SIK3: variants seen among roughly 807,000 people sequenced by gnomAD.
SIK3 encodes the protein SIK family kinase 3.
In SIK3, 28 loss-of-function variants were observed where a neutral mutation model predicts 144.2. The observed-to-expected ratio is 0.19, with a 90% CI of 0.14 to 0.27. The LOEUF (loss-of-function observed/expected upper bound fraction) is 0.27. Ranked by LOEUF, SIK3 falls within the 10% of genes least tolerant of loss-of-function variation. The pLI, the probability that SIK3 is intolerant of heterozygous loss-of-function variation, is 1.00. For synonymous variants in SIK3, 686 were observed against 676.3 expected, an observed-to-expected ratio of 1.01 and a Z score of -0.22; for missense variants, 1,319 against 1,776.0, an observed-to-expected ratio of 0.74 and a Z score of 4.62.
chr11:116,856,594 A>C (rs913941706), intron 21 of SIK3, among the ~76,000 whole-genome samples: 1 of 152,210 alleles, frequency 6.6e-6, no homozygotes, highest in African/African-American at 2.4e-5. Context: ...TCTACTAAGA[A>C]TACAGCAGCC....
chr11:116,998,167 A>T lies in SIK3; in HGVS notation c.274-41103T>A, dbSNP rs552475177. ...CACAGGTAGTGTATATGATAATTTA[A>T]AAAAAAAAAAAAGCTATTCCAATAT... is the stretch of plus-strand genomic sequence containing the variant. On this transcript the variant is annotated intron_variant, in intron 1 of 24. Transcript: ENST00000445177. Among the ~76,000 whole-genome samples the T allele has an allele frequency of 2.8e-3, 406 of 144,204 alleles. 5 individuals are homozygous for T. The highest frequency in any genetic ancestry group is 9.2e-3 in the African/African-American group (371 of 40,332). 94.6% of individuals were successfully genotyped at this position (144,204 alleles called of 152,430 possible).
intron 3 of SIK3, among the ~76,000 whole-genome samples, chr11:116,941,823 G>C (rs1294121606): frequency 2.0e-5 from 3 of 152,162 alleles, no homozygotes; most frequent in Non-Finnish European, 4.4e-5. Context: ...TCTCAAATAG[G>C]AAGTTTGGGG....
chr11:116,914,808 A>G (rs1452448690), intron 4 of SIK3, among the ~76,000 whole-genome samples: 1 of 152,182 alleles, frequency 6.6e-6, no homozygotes, highest in African/African-American at 2.4e-5. Flanking sequence ...AAATCAGTAC[A>G]GTTACCTTTT....
intron 7 of SIK3, 26 bp downstream of exon 7, chr11:116,876,898 C>T (rs1329623064): frequency 8.2e-6 from 13 of 1,580,906 alleles, no homozygotes; most frequent in Non-Finnish European, 1.1e-5. Context: ...CAGAGGAGTC[C>T]CCTGCAGCAG....
chr11:116,969,635 T>G (rs189437089), intron 1 of SIK3, among the ~76,000 whole-genome samples: 15 of 152,276 alleles, frequency 9.9e-5, no homozygotes, highest in African/African-American at 3.4e-4. Context: ...CAAATGTACT[T>G]TTCTGGGTAG....
At position 116,876,421 on chromosome 11, in the gene SIK3, A is replaced by G. The variant is rs1944258843; in HGVS notation, c.985-58T>C. 6 of 1,371,864 alleles carry G rather than the reference A, an allele frequency of 4.4e-6. No individual in the cohort carries two copies. In the Admixed American group the frequency reaches 8.4e-5, roughly 19 times the overall value. The allele number at this position is 1,371,864 out of a possible 1,614,324, so 85.0% of individuals were successfully genotyped here. A position where few individuals can be genotyped will look rare whatever the true frequency, so the allele number is the denominator to read the frequency against. On this transcript the variant is annotated intron_variant, in intron 7 of 24. Coordinates refer to ENST00000445177, the MANE Select transcript of SIK3 (RefSeq NM_001366686.3). ...CCCAATTAACCACATCAAATGTGGCACAGCATATATAATGACCAACCTGTT... is the reference window on the plus strand; with the variant it reads ...CCCAATTAACCACATCAAATGTGGCGCAGCATATATAATGACCAACCTGTT...
At chr11:117,011,676 T>C (rs1349201540) in intron 1 of SIK3, among the ~76,000 whole-genome samples, 2 of 152,150 alleles carry the variant, frequency 1.3e-5, no homozygotes, top group Non-Finnish European at 2.9e-5. Context: ...GCTGAACAAC[T>C]ACCACAAAAT....
chr11:116,861,484 T>C, intron 18 of SIK3, 101 bp from the exon 19 acceptor site: 1 of 873,292 alleles, frequency 1.1e-6, no homozygotes, highest in Non-Finnish European at 1.7e-6. Context: ...CTATTTTTTT[T>C]TACTTTGATA....
intron 1 of SIK3, among the ~76,000 whole-genome samples, chr11:117,036,971 T>G (rs1952533237): frequency 6.6e-6 from 1 of 152,212 alleles, no homozygotes; most frequent in Non-Finnish European, 1.5e-5. Context: ...ATGCAAGATC[T>G]TAACATTTTG....
chr11:116,947,525 A>ATG (rs1427915281), intron 3 of SIK3, among the ~76,000 whole-genome samples: 13 of 101,026 alleles, frequency 1.3e-4, no homozygotes, highest in Admixed American at 4.4e-4. Context: ...GGAAATATAT[A>ATG]TATATATATG....
chr11:117,047,364 T>C (rs1210100111), intron 1 of SIK3, among the ~76,000 whole-genome samples: 1 of 152,152 alleles, frequency 6.6e-6, no homozygotes, highest in African/African-American at 2.4e-5. Context: ...AAAGGTACAA[T>C]GGTGAGATTC....
intron 1 of SIK3, among the ~76,000 whole-genome samples, chr11:117,005,336 G>GAA (rs35279676): frequency 0.046 from 2,571 of 55,940 alleles, 165 homozygotes; most frequent in African/African-American, 0.053. Context: ...CCCCGTCTCA[G>GAA]AAAAAAAAAA....
At chr11:117,051,473 T>A (rs553589675) in intron 1 of SIK3, among the ~76,000 whole-genome samples, 3 of 152,074 alleles carry the variant, frequency 2.0e-5, no homozygotes, top group Non-Finnish European at 4.4e-5. Context: ...ATAAACCTCT[T>A]CTATATCTAT....
At chr11:117,047,333 G>T (rs1469877798) in intron 1 of SIK3, among the ~76,000 whole-genome samples, 1 of 152,102 alleles carries the variant, frequency 6.6e-6, no homozygotes, top group East Asian at 1.9e-4. Flanking sequence ...TTAGAATCCT[G>T]GAGGATTTTA....
At chr11:117,084,393 G>A (rs1197092053) in intron 1 of SIK3, among the ~76,000 whole-genome samples, 1 of 152,056 alleles carries the variant, frequency 6.6e-6, no homozygotes, top group Non-Finnish European at 1.5e-5. Context: ...GACCTCTCGA[G>A]TAGCTAGGAT....
At chr11:116,992,566 A>G (rs1950535511) in intron 1 of SIK3, among the ~76,000 whole-genome samples, 1 of 152,180 alleles carries the variant, frequency 6.6e-6, no homozygotes, top group Non-Finnish European at 1.5e-5. Context: ...CACCCAATAC[A>G]TATTAATTGT....
At chr11:116,935,067 AGAGT>A (rs965438002) in intron 3 of SIK3, among the ~76,000 whole-genome samples, 14 of 151,874 alleles carry the variant, frequency 9.2e-5, no homozygotes, top group East Asian at 3.9e-4. Flanking sequence ...CCTGGGCGAC[AGAGT>A]GAGACCCAGT....
chr11:117,087,737 T>C (rs973593602), intron 1 of SIK3, among the ~76,000 whole-genome samples: 32 of 152,184 alleles, frequency 2.1e-4, no homozygotes, highest in African/African-American at 7.5e-4. Flanking sequence ...TGTGGCAATA[T>C]ACATATTAGG....
chr11:116,951,035 G>A (rs1948911215), intron 3 of SIK3, among the ~76,000 whole-genome samples: 1 of 152,160 alleles, frequency 6.6e-6, no homozygotes, highest in Non-Finnish European at 1.5e-5. Flanking sequence ...TCACATGAAG[G>A]CGTAAGGAAG....
Sources: allele counts gnomAD v4.1 joint callset (sites outside exome capture counted in the v4.1 genomes callset), GRCh38; gene constraint gnomAD v4.1.1; transcripts MANE v1.5; gene names NCBI Gene and HGNC (gene_info 2026-07-23, HGNC 2026-07-21).